The following ALKBH4 variants were observed in gnomAD, a reference collection of about 807,000 sequenced individuals.
ALKBH4 encodes alkB homolog 4, lysine demethylase.
ALKBH4 carries 8 observed loss-of-function variants against 12.1 expected under a neutral mutation model. The observed-to-expected ratio is 0.66, with a 90% CI of 0.39 to 1.19. The LOEUF is 1.19. Among genes scored for constraint, ALKBH4 ranks in the 50% most tolerant of loss-of-function variants. The probability of loss-of-function intolerance (pLI) is 0.01; values close to 1 mark genes in which losing one functional copy is unlikely to be tolerated. For synonymous variants in ALKBH4, 195 were observed against 191.6 expected, an observed-to-expected ratio of 1.02 and a Z score of -0.15; for missense variants, 403 against 430.4, an observed-to-expected ratio of 0.94 and a Z score of 0.56.
Position 102,459,697 on chromosome 7 carries a change from G to A in ALKBH4, c.228C>T (p.Ile76=), listed in dbSNP as rs1417189759. Residue 76 remains isoleucine, a synonymous_variant, in exon 2 of 3, where the codon ATC becomes ATT. Transcript: ENST00000292566. ...CTTCCTCCCGGGTCACAAAGTCCTC[G>A]ATCAGCATCACTCCTGGGAAGGGGA... The part of the protein sequence containing the change: ...WAFPFPGVML[I]EDFVTREEEA... The A allele has an allele frequency of 4.3e-6, 7 of 1,614,062 alleles. No individual in the cohort carries two copies. The highest frequency in any genetic ancestry group is 4.0e-5 in the African/African-American group (3 of 74,932).
intron 1 of ALKBH4, among the ~76,000 whole-genome samples, chr7:102,464,015 C>T (rs1037086312): frequency 1.3e-5 from 2 of 151,538 alleles, no homozygotes; most frequent in African/African-American, 4.9e-5. Context: ...GCTGATGCAC[C>T]GGGGAGCATC....
chr7:102,458,137 G>C (rs984880505), intron 2 of ALKBH4, among the ~76,000 whole-genome samples, 156 bp from the exon 3 acceptor site: 10 of 152,166 alleles, frequency 6.6e-5, no homozygotes, highest in African/African-American at 2.4e-4. Flanking sequence ...CAAGGAGACA[G>C]AAGTGACAGC....
Position 102,459,615 on chromosome 7 carries a change from G to T in ALKBH4, c.310C>A (p.Arg104=), listed in dbSNP as rs200171844. The T allele has an allele frequency of 8.1e-6, 13 of 1,613,414 alleles. No individual in the cohort carries two copies. Among genetic ancestry groups the T allele is most frequent in the Non-Finnish European group, 1.1e-5 (13 of 1,179,640 alleles). The part of the protein sequence containing the change: ...RDPWKLSQSG[R]RKQDYGPKVN... ...CAGGGCCGGTCTACCTGCTTCCTCC[G>T]TCCAGACTGGGAGAGCTTCCAGGGG... The change falls in exon 2 of 3, where the codon CGG becomes AGG. Residue 104 remains arginine, a synonymous_variant. Transcript: ENST00000292566.
intron 2 of ALKBH4, chr7:102,459,365 G>C (rs1434017398): frequency 2.3e-6 from 1 of 438,482 alleles, no homozygotes; most frequent in African/African-American, 2.0e-5. Flanking sequence ...AGCTACAGAG[G>C]GGCAGAGAGC....
chr7:102,460,778 G>T (rs532866192), intron 1 of ALKBH4, among the ~76,000 whole-genome samples: 1 of 152,118 alleles, frequency 6.6e-6, no homozygotes, highest in Non-Finnish European at 1.5e-5. Context: ...GGTGTCCCAG[G>T]GGTTGGCCCG....
Position 102,457,955 on chromosome 7 carries a change from C to A in ALKBH4, c.348G>T (p.Arg116=). The A allele has an allele frequency of 6.2e-7, 1 of 1,610,034 alleles. No individual in the cohort carries two copies. The highest frequency in any genetic ancestry group is 1.1e-5 in the South Asian group (1 of 90,938). ...AGCCCTCGGTCTTTAGCTTCTGTTT[C>A]CGAAAGTTGACTTTGGGGCCATAGT... is the stretch of plus-strand genomic sequence containing the variant. ...KQDYGPKVNF[R]KQKLKTEGFC... The change falls in exon 3 of 3, where the codon CGG becomes CGT. Residue 116 remains arginine, a synonymous_variant. Transcript: ENST00000292566. This position sits in a 1 kb window ranked among gnomAD's most constrained non-coding sequence, Gnocchi z 5.9.
chr7:102,464,644 C>T lies in ALKBH4; in HGVS notation c.123+70G>A. On this transcript the variant is annotated intron_variant, in intron 1 of 2. Coordinates refer to ENST00000292566, the MANE Select transcript of ALKBH4 (RefSeq NM_017621.4). The stretch of plus-strand genomic sequence containing the variant: ...GCTTCGATCCCGGCCCCTATCATGG[C>T]CAAGCTGGACCTCAGTTTCCCCAGA... The T allele has an allele frequency of 2.1e-6, 3 of 1,454,288 alleles. No individual in the cohort carries two copies. In the South Asian group the frequency reaches 4.3e-5, roughly 21 times the overall value. 90.1% of individuals were successfully genotyped at this position (1,454,288 alleles called of 1,614,324 possible).
intron 1 of ALKBH4, among the ~76,000 whole-genome samples, chr7:102,460,338 G>GAAAAAA (rs56249986): frequency 5.1e-5 from 7 of 137,000 alleles, no homozygotes; most frequent in African/African-American, 1.6e-4. Context: ...AAAAAAAAAA[G>GAAAAAA]AAAAAAAAAA....
In ALKBH4 at chr7:102,458,003, G is replaced by C. The variant is rs766624174; in HGVS notation, c.322-22C>G. The C allele has an allele frequency of 1.0e-5, 16 of 1,569,838 alleles. No homozygotes were observed. In the Middle Eastern group the frequency reaches 5.1e-4, roughly 50 times the overall value. On this transcript the variant is annotated intron_variant, in intron 2 of 2. Transcript: ENST00000292566. ...AGTCCTGAAGGATGAAGACAAAGAG[G>C]ACATGAGGTGTCTGAGTTTACGAAG...
intron 1 of ALKBH4, among the ~76,000 whole-genome samples, chr7:102,462,687 C>CT (rs1002055151): frequency 6.6e-6 from 1 of 152,116 alleles, no homozygotes; most frequent in African/African-American, 2.4e-5. Context: ...AATTAAAACT[C>CT]TTAAGTTCAT....
rs1420981510 is a variant in ALKBH4, at chr7:102,459,781, G to A, written c.144C>T (p.Tyr48=). The A allele has an allele frequency of 1.9e-6, 3 of 1,607,764 alleles. No homozygotes were observed. The highest frequency in any genetic ancestry group is 2.7e-5 in the African/African-American group (2 of 74,662). ...LPPAKTYRFI[Y]CSDTGWAVGT... ...CCACGGCCCAGCCGGTGTCGGAGCA[G>A]TAAATGAAACGGTATGTTTTCTGCA... Residue 48 remains tyrosine (Y), a synonymous_variant, in exon 2 of 3, where the codon TAC becomes TAT. Coordinates refer to ENST00000292566, the MANE Select transcript of ALKBH4 (RefSeq NM_017621.4).
intron 2 of ALKBH4, chr7:102,459,392 C>T (rs1586729779): frequency 5.5e-6 from 3 of 548,140 alleles, no homozygotes; most frequent in Admixed American, 7.1e-5. Flanking sequence ...GCGCATATCA[C>T]AGGGAGATGG....
Position 102,458,686 on chromosome 7 carries a change from C to T in ALKBH4, c.322-705G>A, listed in dbSNP as rs114741671. 7.1e-3 allele frequency among the ~76,000 whole-genome samples: 1,013 copies of T among 141,884 alleles called. 7 individuals carry two copies. The highest frequency in any genetic ancestry group is 0.024 in the African/African-American group (897 of 38,102). 93.1% of individuals were successfully genotyped at this position (141,884 alleles called of 152,430 possible). On this transcript the variant is annotated intron_variant, in intron 2 of 2. Transcript: ENST00000292566. ...CTGGGGGGTCAAGGCTGCGGTGAGC[C>T]AATATCACATATTGCACTCCAGTCT...
At chr7:102,460,122 C>G (rs1340502187) in intron 1 of ALKBH4, among the ~76,000 whole-genome samples, 1 of 151,200 alleles carries the variant, frequency 6.6e-6, no homozygotes, top group Non-Finnish European at 1.5e-5. Flanking sequence ...CCACTGCACT[C>G]CAGCCTGGGC....
intron 1 of ALKBH4, among the ~76,000 whole-genome samples, chr7:102,463,084 G>A (rs964674335): frequency 1.3e-5 from 2 of 150,558 alleles, no homozygotes; most frequent in African/African-American, 4.9e-5. Flanking sequence ...CAGCCTCCTG[G>A]GTAGCTGGGA....
rs1797690077 is a variant in ALKBH4, at chr7:102,457,772, C to G, written c.531G>C (p.Gly177=). 1 of 1,595,712 alleles carries G rather than the reference C, an allele frequency of 6.3e-7. No individual in the cohort carries two copies. Among genetic ancestry groups the G allele is most frequent in the Admixed American group, 1.7e-5 (1 of 59,356 alleles). The part of the protein sequence containing the change: ...DPHLDDAWLW[G]ERLVSLNLLS... ...GGAGGTTGAGGCTGACCAGCCGCTCCCCCCACAGCCAGGCGTCGTCCAGGT... is the reference window on the plus strand; with the variant it reads ...GGAGGTTGAGGCTGACCAGCCGCTCGCCCCACAGCCAGGCGTCGTCCAGGT... Residue 177 remains glycine, a synonymous_variant, in exon 3 of 3, where the codon GGG becomes GGC. Transcript: ENST00000292566. The surrounding 1 kb of genome is among the most constrained non-coding windows in gnomAD (Gnocchi z 5.9).
chr7:102,458,562 C>T (rs1040083437), intron 2 of ALKBH4, among the ~76,000 whole-genome samples: 5 of 148,808 alleles, frequency 3.4e-5, no homozygotes, highest in East Asian at 4.5e-4. Flanking sequence ...GAATGAGACA[C>T]CCTGTCTCAA....
intron 1 of ALKBH4, among the ~76,000 whole-genome samples, chr7:102,462,008 G>A (rs553366053): frequency 6.6e-6 from 1 of 152,222 alleles, no homozygotes; most frequent in Admixed American, 6.5e-5. Flanking sequence ...TCCAGCCACC[G>A]ACTCCAGCTC....
chr7:102,463,841 T>G (rs1294460461), intron 1 of ALKBH4, among the ~76,000 whole-genome samples: 1 of 152,252 alleles, frequency 6.6e-6, no homozygotes, highest in Non-Finnish European at 1.5e-5. Flanking sequence ...TGGGCACTTT[T>G]ACCATGGACG....
Sources: allele counts gnomAD v4.1 joint callset (sites outside exome capture counted in the v4.1 genomes callset), GRCh38; gene constraint gnomAD v4.1.1; non-coding constraint Gnocchi (gnomAD v3.1); transcripts MANE v1.5; gene names NCBI Gene and HGNC (gene_info 2026-07-23, HGNC 2026-07-21).